XRCC4: variants seen among roughly 807,000 people sequenced by gnomAD.
The protein encoded by XRCC4 is DNA repair protein XRCC4.
A neutral mutation model predicts 39.1 loss-of-function variants in XRCC4; 28 were observed. The ratio of observed to expected loss-of-function variants is 0.72; its 90% confidence interval spans 0.53 to 0.98. The LOEUF is 0.98. XRCC4 is among the 50% of genes least tolerant of loss of function. The probability of loss-of-function intolerance (pLI) is 0.00; values close to 1 mark genes in which losing one functional copy is unlikely to be tolerated. For missense variants in XRCC4, 350 were observed against 376.4 expected, an observed-to-expected ratio of 0.93 and a Z score of 0.58; for synonymous variants, 123 against 126.4, an observed-to-expected ratio of 0.97 and a Z score of 0.18.
rs1480694260 is a variant in XRCC4 at position 83,246,005 on chromosome 5, A to G, written c.746-12525A>G. On this transcript the variant is annotated intron_variant, in intron 6 of 7. Coordinates refer to ENST00000396027, the MANE Select transcript of XRCC4 (RefSeq NM_003401.5). ...TAGATTAAAATCTCTCAAATTATTT[A>G]TCGAAGTTTCTTGCAAGTTAATTTT... Among the ~76,000 whole-genome samples the G allele has an allele frequency of 5.3e-5, 8 of 151,400 alleles. No individual in the cohort carries two copies. In the East Asian group the frequency reaches 1.4e-3, roughly 26 times the overall value.
At chr5:83,135,078 A>C (rs1451712420) in intron 3 of XRCC4, among the ~76,000 whole-genome samples, 1 of 152,202 alleles carries the variant, frequency 6.6e-6, no homozygotes, top group Non-Finnish European at 1.5e-5. Context: ...CGAGACCAAG[A>C]ACCCACTCTA....
Position 83,253,647 on chromosome 5 carries a change from A to T in XRCC4, c.746-4883A>T, listed in dbSNP as rs544375514. Among the ~76,000 whole-genome samples the T allele has an allele frequency of 2.0e-5, 3 of 152,274 alleles. No individual in the cohort carries two copies. In the South Asian group the frequency reaches 6.2e-4, roughly 32 times the overall value. On this transcript the variant is annotated intron_variant, in intron 6 of 7. Transcript: ENST00000396027. ...CTATATATCATATGAAAAGAAAAACATCTATAAATACAAGATAATAATGAA... is the reference window on the plus strand; with the variant it reads ...CTATATATCATATGAAAAGAAAAACTTCTATAAATACAAGATAATAATGAA...
intron 3 of XRCC4, among the ~76,000 whole-genome samples, chr5:83,140,437 G>A (rs928510963): frequency 3.9e-5 from 6 of 152,160 alleles, no homozygotes; most frequent in South Asian, 4.2e-4. Context: ...CACCTTTCTC[G>A]CCTGCTTTGT....
At chr5:83,210,914 CTAG>C (rs1471071595) in intron 6 of XRCC4, among the ~76,000 whole-genome samples, 1 of 152,070 alleles carries the variant, frequency 6.6e-6, no homozygotes, top group Non-Finnish European at 1.5e-5. Context: ...TTCTTATTTC[CTAG>C]TACTAAAATA....
At chr5:83,297,945 C>T (rs1755150990) in intron 7 of XRCC4, among the ~76,000 whole-genome samples, 1 of 151,938 alleles carries the variant, frequency 6.6e-6, no homozygotes, top group African/African-American at 2.4e-5. Flanking sequence ...AAAATTTATG[C>T]CATTCCCATT....
intron 7 of XRCC4, among the ~76,000 whole-genome samples, chr5:83,300,346 CTT>C (rs1755236013): frequency 6.6e-6 from 1 of 152,080 alleles, no homozygotes; most frequent in Non-Finnish European, 1.5e-5. Flanking sequence ...TTCTCTCTCT[CTT>C]TCTCCAATTT....
intron 3 of XRCC4, among the ~76,000 whole-genome samples, chr5:83,195,409 A>C (rs981427141): frequency 2.0e-5 from 3 of 152,196 alleles, no homozygotes; most frequent in Admixed American, 6.5e-5. Context: ...ATTAGAGTTA[A>C]AATTATCATA....
rs1237462915 is a variant in XRCC4, at chr5:83,105,031, G to T, written c.112G>T (p.Asp38Tyr). Residue 38 changes from aspartate to tyrosine, a missense_variant, in exon 2 of 8, where the codon GAT (aspartate) becomes TAT (tyrosine). Transcript: ENST00000396027. ...LESGFVITLT[D>Y]GHSAWTGTVS... ...ATCTGGTTTTGTTATTACACTTACT[G>T]ATGGTCATTCAGCATGGACTGGGAC... 1 of 1,613,264 alleles carries T rather than the reference G, an allele frequency of 6.2e-7. No homozygotes were observed. The highest frequency in any genetic ancestry group is 2.2e-5 in the East Asian group (1 of 44,748).
At chr5:83,140,352 T>A (rs1332569199) in intron 3 of XRCC4, among the ~76,000 whole-genome samples, 1 of 151,760 alleles carries the variant, frequency 6.6e-6, no homozygotes, top group East Asian at 1.9e-4. Context: ...GAACCTGGAG[T>A]CTGATGTCCA....
At chr5:83,188,872 A>G (rs1030303179) in intron 3 of XRCC4, among the ~76,000 whole-genome samples, 1 of 152,202 alleles carries the variant, frequency 6.6e-6, no homozygotes, top group African/African-American at 2.4e-5. Context: ...TAGACAATAG[A>G]GAAGCATACT....
intron 6 of XRCC4, among the ~76,000 whole-genome samples, chr5:83,213,008 C>G (rs2112761600): frequency 6.8e-6 from 1 of 147,528 alleles, no homozygotes; most frequent in African/African-American, 2.5e-5. Flanking sequence ...CATTTGAAAT[C>G]CATAGAGGGA....
intron 3 of XRCC4, among the ~76,000 whole-genome samples, chr5:83,136,960 A>G (rs1187293044): frequency 3.9e-5 from 6 of 152,342 alleles, no homozygotes; most frequent in South Asian, 2.1e-4. Context: ...TCACAAACAC[A>G]CACAAAAGAG....
At chr5:83,121,822 A>G (rs558775109) in intron 3 of XRCC4, among the ~76,000 whole-genome samples, 2 of 152,146 alleles carry the variant, frequency 1.3e-5, no homozygotes, top group African/African-American at 4.8e-5. Context: ...ATAGTTTTAG[A>G]TTTTACATTT....
chr5:83,373,670 G>T, the XRCC4 span, among the ~76,000 whole-genome samples: 2 of 152,070 alleles, frequency 1.3e-5, no homozygotes, highest in Non-Finnish European at 2.9e-5. Context: ...TTCAGTGTTG[G>T]TGTGTATTTA....
intron 3 of XRCC4, among the ~76,000 whole-genome samples, chr5:83,136,349 T>A (rs1475002078): frequency 6.6e-6 from 1 of 152,220 alleles, no homozygotes; most frequent in African/African-American, 2.4e-5. Flanking sequence ...TTTCTTCCTT[T>A]CTTGCCCTCT....
chr5:83,120,859 AC>A (rs1746977572), intron 3 of XRCC4, among the ~76,000 whole-genome samples: 1 of 152,314 alleles, frequency 6.6e-6, no homozygotes, highest in South Asian at 2.1e-4. Context: ...ATGTGTACAT[AC>A]CCATGAAACT....
At chr5:83,281,096 G>A (rs1754520618) in intron 7 of XRCC4, among the ~76,000 whole-genome samples, 1 of 152,202 alleles carries the variant, frequency 6.6e-6, no homozygotes, top group Admixed American at 6.5e-5. Context: ...TACTGGTATA[G>A]TTAGCTATAA....
At chr5:83,249,174 T>C (rs531980267) in intron 6 of XRCC4, among the ~76,000 whole-genome samples, 31 of 152,294 alleles carry the variant, frequency 2.0e-4, no homozygotes, top group African/African-American at 7.0e-4. Flanking sequence ...AGAATTGTTA[T>C]GTGACCTGCC....
At chr5:83,220,270 A>G (rs1419565471) in intron 6 of XRCC4, among the ~76,000 whole-genome samples, 4 of 152,154 alleles carry the variant, frequency 2.6e-5, no homozygotes, top group African/African-American at 9.7e-5. Flanking sequence ...ACCATGACTG[A>G]GTTCAGACAA....
Sources: gnomAD v4.1 joint callset for allele counts (sites outside exome capture counted in the v4.1 genomes callset) on GRCh38, gnomAD v4.1.1 for gene constraint, MANE v1.5 for transcripts, NCBI Gene and HGNC (gene_info 2026-07-23, HGNC 2026-07-21) for gene names.